The following TFDP1 variants were observed in gnomAD, a reference collection of about 807,000 sequenced individuals.
TFDP1 encodes the protein transcription factor Dp-1.
TFDP1 carries 6 observed loss-of-function variants against 48.0 expected under a neutral mutation model. That is an observed-to-expected ratio of 0.13 (90% CI 0.07 to 0.25). The LOEUF (loss-of-function observed/expected upper bound fraction) is 0.25, where lower values mean the gene tolerates loss of function less well. Ranked by LOEUF, TFDP1 falls within the 10% of genes least tolerant of loss-of-function variation. TFDP1 has a pLI of 1.00. For missense variants in TFDP1, 335 were observed against 543.0 expected (o/e 0.62, Z 3.81); for synonymous variants, 201 against 211.6 (o/e 0.95, Z 0.44).
At position 113,585,423 on chromosome 13, in the gene TFDP1, C is replaced by T. The variant is rs557845979; in HGVS notation, c.-64-351C>T. Reference sequence around the variant, plus strand: ...GTTGCGCCGGGACCCCGGGGCTGTGCCCAGGTGGGTGGTGGGGCACCCCCC... The same window carrying T: ...GTTGCGCCGGGACCCCGGGGCTGTGTCCAGGTGGGTGGTGGGGCACCCCCC... On this transcript the variant is annotated intron_variant, in intron 1 of 11. Coordinates refer to ENST00000375370, the MANE Select transcript of TFDP1 (RefSeq NM_007111.5). 9 of 158,660 alleles carry T rather than the reference C, an allele frequency of 5.7e-5. No homozygotes were observed. In the South Asian group the frequency reaches 1.7e-3, roughly 30 times the overall value. 9.8% of individuals were successfully genotyped at this position (158,660 alleles called of 1,614,324 possible).
Position 113,623,126 on chromosome 13 carries a change from A to G in TFDP1, c.80-54A>G. 6.7e-7 allele frequency: 1 copy of G among 1,498,964 alleles called. No homozygotes were observed. 92.9% of individuals were successfully genotyped at this position (1,498,964 alleles called of 1,614,324 possible). On this transcript the variant is annotated intron_variant, in intron 3 of 11. Coordinates refer to ENST00000375370, the MANE Select transcript of TFDP1 (RefSeq NM_007111.5). This position sits in a 1 kb window ranked among gnomAD's most constrained non-coding sequence, Gnocchi z 5.2. ...TCTTGCATTTAGAATGGTCGCTTGT[A>G]GCCTTAACTTAGAAAAGGAGTCTCG... is the stretch of plus-strand genomic sequence containing the variant.
chr13:113,634,878 C>CGTGTGT (rs4150798), intron 8 of TFDP1, among the ~76,000 whole-genome samples: 2,191 of 150,178 alleles, frequency 0.015, 44 homozygotes, highest in African/African-American at 0.051. Context: ...TGCCTGTGTG[C>CGTGTGT]GTGTGCATGT....
intron 2 of TFDP1, among the ~76,000 whole-genome samples, chr13:113,593,621 T>G (rs1309178116): frequency 7.5e-5 from 8 of 107,218 alleles, no homozygotes; most frequent in South Asian, 6.7e-4. Context: ...CAGGTGACAG[T>G]TGTGCTGTGT....
At chr13:113,628,200 G>A (rs753465668) in intron 4 of TFDP1, among the ~76,000 whole-genome samples, 2 of 151,810 alleles carry the variant, frequency 1.3e-5, no homozygotes, top group East Asian at 1.9e-4. Flanking sequence ...GTCTGAAGCC[G>A]TGTAAAGACT....
chr13:113,640,149 T>C lies in TFDP1; in HGVS notation c.1115T>C (p.Leu372Pro). ...CTGACCAACGGTGCAGATGGGATGC[T>C]GGCCACAAGCTCCAATGGGTCTCAG... Reference protein sequence around the residue: ...SDLTNGADGMLATSSNGSQYS... With the variant: ...SDLTNGADGMPATSSNGSQYS... The change falls in exon 12 of 12, where the codon CTG becomes CCG. Residue 372 changes from leucine to proline, a missense_variant. Coordinates refer to ENST00000375370, the MANE Select transcript of TFDP1 (RefSeq NM_007111.5). 6.2e-7 allele frequency: 1 copy of C among 1,611,806 alleles called. No individual in the cohort carries two copies.
At chr13:113,589,100 G>A (rs889836211) in intron 2 of TFDP1, among the ~76,000 whole-genome samples, 4 of 152,152 alleles carry the variant, frequency 2.6e-5, no homozygotes, top group Non-Finnish European at 2.9e-5. Flanking sequence ...CAGCCTAGAA[G>A]GTGGCTGCCT....
intron 5 of TFDP1, chr13:113,632,024 G>C: frequency 2.3e-6 from 1 of 428,098 alleles, no homozygotes; most frequent in South Asian, 3.2e-5. Context: ...TGGCCAAGAC[G>C]GGGAGAAGCT....
In TFDP1 at chr13:113,623,073, A is replaced by G. The variant is rs2049035042; in HGVS notation, c.80-107A>G. 1.1e-6 allele frequency: 1 copy of G among 939,136 alleles called. No homozygotes were observed. Among genetic ancestry groups the G allele is most frequent in the African/African-American group, 1.6e-5 (1 of 60,670 alleles). The allele number at this position is 939,136 out of a possible 1,614,324, so 58.2% of individuals were successfully genotyped here. Reference sequence around the variant, plus strand: ...GATTTGAGACAGTACACGTGGGGAAAGCTAAGCATCTCTAATTGCAAGCAC... The same window carrying G: ...GATTTGAGACAGTACACGTGGGGAAGGCTAAGCATCTCTAATTGCAAGCAC... On this transcript the variant is annotated intron_variant, in intron 3 of 11. Transcript: ENST00000375370. This position sits in a 1 kb window ranked among gnomAD's most constrained non-coding sequence, Gnocchi z 5.2.
At chr13:113,608,992 C>T (rs2048639067) in intron 2 of TFDP1, among the ~76,000 whole-genome samples, 1 of 152,258 alleles carries the variant, frequency 6.6e-6, no homozygotes, top group Admixed American at 6.5e-5. Context: ...ACACCTGTAA[C>T]ACACTAATGG....
At chr13:113,613,217 T>C (rs1368495409) in intron 3 of TFDP1, among the ~76,000 whole-genome samples, 1 of 152,240 alleles carries the variant, frequency 6.6e-6, no homozygotes, top group Non-Finnish European at 1.5e-5. Context: ...GGTTTCACCA[T>C]GTTGGTCAGA....
Position 113,640,124 on chromosome 13 carries a change from C to T in TFDP1, c.1090C>T (p.Leu364=). 1 of 1,601,940 alleles carries T rather than the reference C, an allele frequency of 6.2e-7. No individual in the cohort carries two copies. Among genetic ancestry groups the T allele is most frequent in the Non-Finnish European group, 8.5e-7 (1 of 1,175,530 alleles). The stretch of plus-strand genomic sequence containing the variant: ...CATCCGCCTCCTGCCTTGCAGTGAC[C>T]TGACCAACGGTGCAGATGGGATGCT... ...SNGTRFSASD[L]TNGADGMLAT... Residue 364 remains leucine (L), a synonymous_variant, in exon 12 of 12, where the codon CTG becomes TTG. Coordinates refer to ENST00000375370, the MANE Select transcript of TFDP1 (RefSeq NM_007111.5).
intron 2 of TFDP1, among the ~76,000 whole-genome samples, chr13:113,595,821 G>A (rs970654481): frequency 1.3e-5 from 2 of 152,218 alleles, no homozygotes; most frequent in African/African-American, 2.4e-5. Flanking sequence ...GGTGGCTCAC[G>A]CCTGTAATCC....
At chr13:113,604,181 C>T (rs1008179084) in intron 2 of TFDP1, among the ~76,000 whole-genome samples, 50 of 139,324 alleles carry the variant, frequency 3.6e-4, no homozygotes, top group Non-Finnish European at 6.2e-4. Context: ...AAAAAAAAGG[C>T]AAATTAAACT....
chr13:113,594,911 C>G (rs2048249276), intron 2 of TFDP1, among the ~76,000 whole-genome samples: 1 of 152,196 alleles, frequency 6.6e-6, no homozygotes, highest in Non-Finnish European at 1.5e-5. Context: ...AAGTCACGTT[C>G]ATATGTGAGC....
chr13:113,637,729 G>C (rs779963098), intron 10 of TFDP1, 89 bp from the exon 11 acceptor site: 1 of 1,608,912 alleles, frequency 6.2e-7, no homozygotes, highest in African/African-American at 1.3e-5. Flanking sequence ...CGTCTGTCCT[G>C]TGGAACTGCG....
chr13:113,631,905 G>A (rs994236163), intron 5 of TFDP1, 161 bp downstream of exon 5: 26 of 1,026,728 alleles, frequency 2.5e-5, no homozygotes, highest in Non-Finnish European at 1.5e-5. Flanking sequence ...GGCCTGCACA[G>A]GTGTGCAGCC....
chr13:113,636,635 G>T lies in TFDP1; in HGVS notation c.941G>T (p.Cys314Phe). 1.9e-6 allele frequency: 3 copies of T among 1,613,360 alleles called. No homozygotes were observed. Among genetic ancestry groups the T allele is most frequent in the Non-Finnish European group, 2.5e-6 (3 of 1,180,026 alleles). Residue 314 changes from cysteine to phenylalanine, a missense_variant, in exon 10 of 12, where the codon TGC (cysteine) becomes TTC (phenylalanine). Physicochemically the swap from Cys to Phe is radical, Grantham distance 205. Around this residue, in one of 3 missense-constraint regions of TFDP1, gnomAD observed 204 missense variants for 287.1 expected, o/e 0.71. Coordinates refer to ENST00000375370, the MANE Select transcript of TFDP1 (RefSeq NM_007111.5). ...GCTTGCGGGCTGGAGTCGGGGAGCT[G>T]CTCTGCCGAAGACCTTAAAATGGCC... ...GMACGLESGS[C>F]SAEDLKMARS...
chr13:113,610,165 A>G (rs574890092), intron 2 of TFDP1, among the ~76,000 whole-genome samples: 2 of 139,038 alleles, frequency 1.4e-5, no homozygotes, highest in African/African-American at 2.8e-5. Context: ...CTGTGTGGCT[A>G]TACTGTCATG....
rs1425738637 is a variant in TFDP1, at chr13:113,634,034, G to A, written c.618+1G>A. ...GGCTCAGGAATGTCAGAACTTAGAG[G>A]TGCCCCTTCAGCCTTCCTTCAACCT... is the stretch of plus-strand genomic sequence containing the variant. On this transcript the variant is annotated splice_donor_variant, in intron 7 of 11. Transcript: ENST00000375370. LOFTEE classifies it high-confidence loss of function. 1.2e-6 allele frequency: 2 copies of A among 1,614,064 alleles called. No homozygotes were observed. The highest frequency in any genetic ancestry group is 1.3e-5 in the African/African-American group (1 of 74,936).
Sources: allele counts gnomAD v4.1 joint callset (sites outside exome capture counted in the v4.1 genomes callset), GRCh38; gene constraint gnomAD v4.1.1; regional missense constraint gnomAD v4.1.1; non-coding constraint Gnocchi (gnomAD v3.1); transcripts MANE v1.5; gene names NCBI Gene and HGNC (gene_info 2026-07-23, HGNC 2026-07-21).